Variants in ASIC2 observed in about 807,000 individuals in gnomAD.
The protein encoded by ASIC2 is acid sensing ion channel subunit 2.
In ASIC2, 25 loss-of-function variants were observed where a neutral mutation model predicts 57.3. The observed-to-expected ratio is 0.44, with a 90% confidence interval of 0.32 to 0.61. ASIC2 has a LOEUF of 0.61. Among genes scored for constraint, ASIC2 ranks in the 20% least tolerant of loss-of-function variants. The probability of loss-of-function intolerance (pLI) is 0.06; values close to 1 mark genes in which losing one functional copy is unlikely to be tolerated. For missense variants in ASIC2, 641 were observed against 738.1 expected, an observed-to-expected ratio of 0.87 and a Z score of 1.52; for synonymous variants, 319 against 307.5, an observed-to-expected ratio of 1.04 and a Z score of -0.39.
rs78089116 is a variant in ASIC2, at chr17:33,722,192, C to T, written c.555+433786G>A. ...TTCTCATGGTAGTGAATAAGTGTCA[C>T]GAGATCTCATGCTTTTAAAAAGGGG... On this transcript the variant is annotated intron_variant, in intron 1 of 9. Transcript: ENST00000359872. 2.3e-4 allele frequency among the ~76,000 whole-genome samples: 35 copies of T among 152,202 alleles called. 1 individual carries two copies. Among genetic ancestry groups the T allele is most frequent in the East Asian group, 1.5e-3 (8 of 5,162 alleles).
intron 1 of ASIC2, among the ~76,000 whole-genome samples, chr17:33,202,306 C>A (rs141906152): frequency 6.6e-6 from 1 of 152,134 alleles, no homozygotes; most frequent in Non-Finnish European, 1.5e-5. Flanking sequence ...GTTCATTATG[C>A]GTGATGAGTT....
chr17:33,679,711 C>T lies in ASIC2; in HGVS notation c.555+476267G>A, dbSNP rs1276478863. ...AGGTCCTTTAAGATGAGCTGTGAGG[C>T]CAAGGAAGAGCAGGCCAGGCGAAGG... is the stretch of plus-strand genomic sequence containing the variant. On this transcript the variant is annotated intron_variant, in intron 1 of 9. Coordinates refer to the ASIC2 transcript ENST00000359872. Among the ~76,000 whole-genome samples, 3 of 152,200 alleles carry T rather than the reference C, an allele frequency of 2.0e-5. No homozygotes were observed. The East Asian group carries it at 5.8e-4, about 29-fold the overall frequency.
chr17:33,089,127 C>T (rs1259429014), intron 2 of ASIC2, 137 bp from the exon 3 acceptor site: 3 of 1,180,310 alleles, frequency 2.5e-6, no homozygotes, highest in East Asian at 5.3e-5. Flanking sequence ...TGTCCACATC[C>T]CCACCTCCAG....
chr17:33,144,305 C>T (rs1434357059), intron 1 of ASIC2, among the ~76,000 whole-genome samples: 3 of 151,466 alleles, frequency 2.0e-5, no homozygotes, highest in Non-Finnish European at 2.9e-5. Context: ...AAGAGGGGGC[C>T]CATGGTGAGA....
chr17:33,403,180 G>T (rs190431693), intron 1 of ASIC2, among the ~76,000 whole-genome samples: 483 of 152,200 alleles, frequency 3.2e-3, no homozygotes, highest in Non-Finnish European at 4.5e-3. Flanking sequence ...GAGTGCACTC[G>T]GGCAGAGCCT....
intron 1 of ASIC2, among the ~76,000 whole-genome samples, chr17:33,505,204 C>T (rs1164773000): frequency 1.3e-5 from 2 of 152,078 alleles, no homozygotes; most frequent in African/African-American, 4.8e-5. Context: ...AGGGGCACAG[C>T]ACTGAGATTC....
chr17:33,065,518 T>A (rs573847714), intron 3 of ASIC2, among the ~76,000 whole-genome samples: 1 of 152,172 alleles, frequency 6.6e-6, no homozygotes, highest in East Asian at 1.9e-4. Flanking sequence ...GGTCTTGCTT[T>A]GTCGCCCAGG....
chr17:33,544,200 G>A (rs1293468714), intron 1 of ASIC2, among the ~76,000 whole-genome samples: 1 of 152,122 alleles, frequency 6.6e-6, no homozygotes, highest in Non-Finnish European at 1.5e-5. Flanking sequence ...CCATGTGGTC[G>A]CCTGTGTCAC....
intron 1 of ASIC2, among the ~76,000 whole-genome samples, chr17:34,087,029 G>A (rs1421112473): frequency 1.3e-5 from 2 of 151,928 alleles, no homozygotes; most frequent in Non-Finnish European, 2.9e-5. Context: ...GGAGCATTTA[G>A]TCCATTTACA....
chr17:33,501,200 G>A (rs1403889686), intron 1 of ASIC2, among the ~76,000 whole-genome samples: 3 of 152,218 alleles, frequency 2.0e-5, no homozygotes, highest in Non-Finnish European at 2.9e-5. Flanking sequence ...ACGTGATGCC[G>A]GCTAAATAAA....
intron 1 of ASIC2, among the ~76,000 whole-genome samples, chr17:33,508,521 C>G (rs537421767): frequency 6.6e-6 from 1 of 152,150 alleles, no homozygotes; most frequent in East Asian, 1.9e-4. Flanking sequence ...GGGGCCAGTC[C>G]AAGTTGGACC....
At chr17:33,866,971 A>G (rs1914253863) in intron 1 of ASIC2, among the ~76,000 whole-genome samples, 1 of 152,218 alleles carries the variant, frequency 6.6e-6, no homozygotes, top group African/African-American at 2.4e-5. Context: ...TCAGTCATGC[A>G]GGAAAAAAAG....
At chr17:33,687,684 G>A (rs867257915) in intron 1 of ASIC2, among the ~76,000 whole-genome samples, 3 of 152,192 alleles carry the variant, frequency 2.0e-5, no homozygotes, top group South Asian at 4.1e-4. Flanking sequence ...CATCTCCTCT[G>A]CAGCCAGAGA....
intron 1 of ASIC2, among the ~76,000 whole-genome samples, chr17:33,496,597 T>C (rs1227108323): frequency 1.4e-5 from 2 of 146,016 alleles, no homozygotes; most frequent in Non-Finnish European, 3.0e-5. Context: ...GAAATAGTTA[T>C]TGTAGGTTTT....
chr17:33,695,403 T>C (rs1312890038), intron 1 of ASIC2, among the ~76,000 whole-genome samples: 1 of 152,152 alleles, frequency 6.6e-6, no homozygotes, highest in African/African-American at 2.4e-5. Context: ...GATTGATGTA[T>C]TTATTATAGG....
chr17:33,525,835 T>C (rs531182464), intron 1 of ASIC2, among the ~76,000 whole-genome samples: 2 of 152,318 alleles, frequency 1.3e-5, no homozygotes, highest in South Asian at 4.1e-4. Context: ...AGCTCAAGAC[T>C]CACCTCCTCC....
Position 34,136,300 on chromosome 17 carries a change from G to A in ASIC2, c.555+19678C>T, listed in dbSNP as rs1050425775. ...TGGCCCTGCAAAGCCATCTCTTATG[G>A]GGAAAATTTGCATTCTGTAGAGAAT... is the stretch of plus-strand genomic sequence containing the variant. On this transcript the variant is annotated intron_variant, in intron 1 of 9. Transcript: ENST00000359872. Among the ~76,000 whole-genome samples, 4 of 152,180 alleles carry A rather than the reference G, an allele frequency of 2.6e-5. No homozygotes were observed. In the South Asian group the frequency reaches 8.3e-4, roughly 32 times the overall value.
At chr17:33,016,563 A>G (rs180849140) in intron 8 of ASIC2, among the ~76,000 whole-genome samples, 60 of 152,260 alleles carry the variant, frequency 3.9e-4, no homozygotes, top group Admixed American at 1.2e-3. Flanking sequence ...AGTTTTCCAC[A>G]AAAGTCAATA....
At chr17:33,044,331 C>A (rs1372950123) in intron 3 of ASIC2, among the ~76,000 whole-genome samples, 1 of 151,878 alleles carries the variant, frequency 6.6e-6, no homozygotes, top group Admixed American at 6.6e-5. Flanking sequence ...TCTTCCCATG[C>A]CCCCCACCCA....
Sources: allele counts gnomAD v4.1 joint callset (sites outside exome capture counted in the v4.1 genomes callset), GRCh38; gene constraint gnomAD v4.1.1; transcripts MANE v1.5; gene names NCBI Gene and HGNC (gene_info 2026-07-23, HGNC 2026-07-21).